The following ABCA12 variants were observed in gnomAD, a reference collection of about 807,000 sequenced individuals.
ABCA12 encodes the protein ATP binding cassette subfamily A member 12, also known as glucosylceramide transporter ABCA12.
A neutral mutation model predicts 293.5 loss-of-function variants in ABCA12; 156 were observed. The observed-to-expected ratio is 0.53, with a 90% CI of 0.47 to 0.61. The LOEUF is 0.61. ABCA12 is among the 20% of genes least tolerant of loss of function. The pLI, the probability that ABCA12 is intolerant of heterozygous loss-of-function variation, is 0.00. For synonymous variants in ABCA12, 1,063 were observed against 1,108.0 expected (o/e 0.96, Z 0.81); for missense variants, 2,797 against 3,090.2 (o/e 0.91, Z 2.25).
At position 215,033,151 on chromosome 2, in the gene ABCA12, G is replaced by A. The variant is rs143143226; in HGVS notation, c.986-1255C>T. Among the ~76,000 whole-genome samples, 133 of 152,304 alleles carry A rather than the reference G, an allele frequency of 8.7e-4. 1 individual carries two copies. The highest frequency in any genetic ancestry group is 6.2e-3 in the East Asian group (32 of 5,186). ...GCTGAATATTATTGCTCTAATAACA[G>A]TAATGCATCAGTGAGTTAAAGGGCC... On this transcript the variant is annotated intron_variant, in intron 8 of 52. Coordinates refer to ENST00000272895, the MANE Select transcript of ABCA12 (RefSeq NM_173076.3).
Position 215,052,594 on chromosome 2 carries a change from A to G in ABCA12, c.410-10T>C. ...CTGGGAAATACTGTGGCTGTAATCA[A>G]AGAAGGAACAGATTAGCATTCCACA... On this transcript the variant is annotated splice_polypyrimidine_tract_variant and intron_variant, in intron 4 of 52. Transcript: ENST00000272895. 6.2e-7 allele frequency: 1 copy of G among 1,603,386 alleles called. No individual in the cohort carries two copies.
chr2:214,978,002 T>C (rs1699559125), intron 33 of ABCA12, among the ~76,000 whole-genome samples: 1 of 152,120 alleles, frequency 6.6e-6, no homozygotes, highest in South Asian at 2.1e-4. Context: ...AAGAAGAATT[T>C]TACCTTGCTG....
At chr2:215,084,592 C>T (rs556612847) in intron 2 of ABCA12, among the ~76,000 whole-genome samples, 47 of 152,246 alleles carry the variant, frequency 3.1e-4, no homozygotes, top group African/African-American at 1.1e-3. Context: ...AGATCCTTAA[C>T]CATCAAAAGG....
chr2:215,063,901 T>G (rs1701586198), intron 3 of ABCA12, among the ~76,000 whole-genome samples, 165 bp downstream of exon 3: 1 of 152,042 alleles, frequency 6.6e-6, no homozygotes, highest in Non-Finnish European at 1.5e-5. Context: ...CATAAACAGT[T>G]ATTCCAGTTT....
Position 214,958,436 on chromosome 2 carries a change from A to G in ABCA12, c.5958T>C (p.Asp1986=), listed in dbSNP as rs775607228. Residue 1986 remains aspartate, a synonymous_variant, in exon 41 of 53, where the codon GAT becomes GAC. Transcript: ENST00000272895. ...TCAAGATAGACAGTGCCACTAAAAT[A>G]TCGATTAAACTGCTGATTCTAGAGT... ...QEQATISSLI[D]ILVALSILMG... is the part of the protein sequence containing the mutation. 9 of 1,613,806 alleles carry G rather than the reference A, an allele frequency of 5.6e-6. No homozygotes were observed. Among genetic ancestry groups the G allele is most frequent in the South Asian group, 2.2e-5 (2 of 91,084 alleles).
chr2:214,984,790 T>C (rs963596080), intron 28 of ABCA12, among the ~76,000 whole-genome samples: 10 of 152,130 alleles, frequency 6.6e-5, no homozygotes, highest in Admixed American at 4.6e-4. Flanking sequence ...GCTATCCTCA[T>C]GGGACCATCA....
rs544329177 is a variant in ABCA12 at position 215,104,066 on chromosome 2, T to C, written c.163+7531A>G. 4.3e-3 allele frequency among the ~76,000 whole-genome samples: 649 copies of C among 152,298 alleles called. 6 individuals carry two copies. The highest frequency in any genetic ancestry group is 5.6e-3 in the Non-Finnish European group (381 of 68,024). On this transcript the variant is annotated intron_variant, in intron 2 of 52. Coordinates refer to ENST00000272895, the MANE Select transcript of ABCA12 (RefSeq NM_173076.3). Reference sequence around the variant, plus strand: ...GATAGACTTGGACATTAGCACTCCCTATCTGAGAGGAGGCCCTGTCTGACA... The same window carrying C: ...GATAGACTTGGACATTAGCACTCCCCATCTGAGAGGAGGCCCTGTCTGACA...
At chr2:215,114,957 C>T (rs986605827) in intron 1 of ABCA12, among the ~76,000 whole-genome samples, 10 of 152,294 alleles carry the variant, frequency 6.6e-5, no homozygotes, top group Admixed American at 3.3e-4. Flanking sequence ...AACATATCCA[C>T]ATTCAGATAA....
intron 19 of ABCA12, among the ~76,000 whole-genome samples, chr2:215,006,683 T>C (rs1700258367): frequency 6.6e-6 from 1 of 152,092 alleles, no homozygotes; most frequent in South Asian, 2.1e-4. Flanking sequence ...CCATTACTCT[T>C]CCAAGGACCT....
intron 26 of ABCA12, 142 bp downstream of exon 26, chr2:214,989,187 C>CACATATATATATATATATAT (rs1699854436): frequency 3.6e-5 from 1 of 28,016 alleles, no homozygotes; most frequent in African/African-American, 6.3e-5. Flanking sequence ...TCAATACATA[C>CACATATATATATATATATAT]ATATATATAT....
chr2:215,054,398 C>A, intron 4 of ABCA12, among the ~76,000 whole-genome samples, 175 bp downstream of exon 4: 1 of 152,034 alleles, frequency 6.6e-6, no homozygotes, highest in Admixed American at 6.6e-5. Flanking sequence ...ATTTTCAACA[C>A]CTTTGCGTAA....
chr2:215,057,279 T>G (rs747924823), intron 3 of ABCA12, among the ~76,000 whole-genome samples: 3 of 152,006 alleles, frequency 2.0e-5, no homozygotes, highest in Non-Finnish European at 4.4e-5. Flanking sequence ...GAGTATGATA[T>G]GAGGTGTGTG....
intron 50 of ABCA12, among the ~76,000 whole-genome samples, chr2:214,940,930 A>AT (rs1379732541): frequency 6.6e-6 from 1 of 151,878 alleles, no homozygotes; most frequent in East Asian, 1.9e-4. Flanking sequence ...GGATTCATTG[A>AT]TTTTTTGAAG....
In ABCA12 at chr2:214,975,877, G is replaced by T; in HGVS notation, c.5289C>A (p.Gly1763=). The part of the protein sequence containing the change: ...LPIVFVTTAM[G]LGTLRNSSNS... ...TGCTGGAATTTCTCAGTGTGCCAAG[G>T]CCCATGGCAGTGGTAACAAAGACGA... Residue 1763 remains glycine (G), a synonymous_variant, in exon 34 of 53, where the codon GGC becomes GGA. Transcript: ENST00000272895. 9 of 1,614,086 alleles carry T rather than the reference G, an allele frequency of 5.6e-6. No individual in the cohort carries two copies. The highest frequency in any genetic ancestry group is 7.6e-6 in the Non-Finnish European group (9 of 1,179,990).
intron 15 of ABCA12, among the ~76,000 whole-genome samples, chr2:215,013,922 T>A (rs1700431791): frequency 6.6e-6 from 1 of 152,226 alleles, no homozygotes; most frequent in African/African-American, 2.4e-5. Flanking sequence ...GGCTCACTCC[T>A]GTAATCCCAG....
At chr2:215,106,439 C>T (rs775115774) in intron 2 of ABCA12, among the ~76,000 whole-genome samples, 18 of 152,184 alleles carry the variant, frequency 1.2e-4, no homozygotes, top group East Asian at 3.9e-4. Flanking sequence ...ACCTCAGGAC[C>T]GCCATCGGTG....
chr2:214,950,516 T>TTG (rs1698732065), intron 45 of ABCA12, among the ~76,000 whole-genome samples: 1 of 150,502 alleles, frequency 6.6e-6, no homozygotes, highest in South Asian at 2.1e-4. Context: ...TAAGATTTTT[T>TTG]TTTTTTTTGA....
At chr2:214,960,976 A>T (rs1699095796) in intron 39 of ABCA12, among the ~76,000 whole-genome samples, 1 of 152,172 alleles carries the variant, frequency 6.6e-6, no homozygotes, top group African/African-American at 2.4e-5. Context: ...TAGAATTCAA[A>T]GAAAATCAAT....
At chr2:215,127,069 A>G (rs935802983) in intron 1 of ABCA12, among the ~76,000 whole-genome samples, 23 of 152,306 alleles carry the variant, frequency 1.5e-4, no homozygotes, top group Admixed American at 7.2e-4. Flanking sequence ...ATTCAGGAGC[A>G]GGTTATTTAA....
Sources: allele counts gnomAD v4.1 joint callset (sites outside exome capture counted in the v4.1 genomes callset), GRCh38; gene constraint gnomAD v4.1.1; transcripts MANE v1.5; gene names NCBI Gene and HGNC (gene_info 2026-07-23, HGNC 2026-07-21).